Variants in LIMS2 observed in about 807,000 individuals in gnomAD.
LIMS2 encodes the protein LIM zinc finger domain containing 2, also known as LIM and senescent cell antigen-like-containing domain protein 2.
LIMS2 carries 30 observed loss-of-function variants against 45.3 expected under a neutral mutation model. The observed-to-expected ratio is 0.66, with a 90% CI of 0.50 to 0.90. The LOEUF is 0.90. LIMS2 is among the 40% of genes least tolerant of loss of function. The probability of loss-of-function intolerance (pLI) is 0.00; values close to 1 mark genes in which losing one functional copy is unlikely to be tolerated. For synonymous variants in LIMS2, 173 were observed against 188.0 expected (o/e 0.92, Z 0.65); for missense variants, 485 against 468.7 (o/e 1.03, Z -0.32).
Position 127,668,695 on chromosome 2 carries a change from AAAAAAAAAAAAAAAAACAC to A in LIMS2, c.11+6300_11+6318del, listed in dbSNP as rs1239361275. On this transcript the variant is annotated intron_variant, in intron 1 of 9. Transcript: ENST00000355119. ...AAAAAAAAAAAAAAAAAAAAAAAAA[AAAAAAAAAAAAAAAAACAC>A]CTTACTTAAAAATTACAATTTACTT... is the stretch of plus-strand genomic sequence containing the variant. Among the ~76,000 whole-genome samples the A allele has an allele frequency of 4.5e-4, 53 of 117,344 alleles. 1 individual carries two copies. The highest frequency in any genetic ancestry group is 9.1e-4 in the African/African-American group (27 of 29,528). 77.0% of individuals were successfully genotyped at this position (117,344 alleles called of 152,430 possible).
upstream of LIMS2, among the ~76,000 whole-genome samples, chr2:127,679,355 G>A (rs1685566583): frequency 6.6e-6 from 1 of 152,152 alleles, no homozygotes; most frequent in South Asian, 2.1e-4. This position sits in a 1 kb window ranked among gnomAD's most constrained non-coding sequence, Gnocchi z 5.3. Flanking sequence ...GGGAAGGTGA[G>A]AATGCAGTGT....
chr2:127,678,152 T>C (rs867669055), upstream of LIMS2, among the ~76,000 whole-genome samples: 1 of 152,172 alleles, frequency 6.6e-6, no homozygotes, highest in Admixed American at 6.5e-5. The surrounding 1 kb of genome is among the most constrained non-coding windows in gnomAD (Gnocchi z 5.3). Flanking sequence ...ATACATTGTT[T>C]AAATCAAGAT....
Position 127,651,238 on chromosome 2 carries a change from T to C in LIMS2, c.359+3186A>G, listed in dbSNP as rs754706777. 14 of 1,607,268 alleles carry C rather than the reference T, an allele frequency of 8.7e-6. No individual in the cohort carries two copies. The highest frequency in any genetic ancestry group is 8.5e-6 in the Non-Finnish European group (10 of 1,179,338). On this transcript the variant is annotated intron_variant, in intron 4 of 9. Coordinates refer to ENST00000355119, the MANE Select transcript of LIMS2 (RefSeq NM_001161403.3). Reference sequence around the variant, plus strand: ...GCTGTGGCCATGGCCCCGCTGCTGGTGAGCCCACAGACCGTGCAGACCAAC... The same window carrying C: ...GCTGTGGCCATGGCCCCGCTGCTGGCGAGCCCACAGACCGTGCAGACCAAC...
At chr2:127,651,784 G>T (rs756905832) in intron 4 of LIMS2, 1 of 1,586,456 alleles carries the variant, frequency 6.3e-7, no homozygotes, top group Admixed American at 1.7e-5. Flanking sequence ...GCCGAGCGCA[G>T]ACTGTTTAGG....
intron 2 of LIMS2, among the ~76,000 whole-genome samples, chr2:127,656,817 C>G (rs1463581324): frequency 2.0e-5 from 3 of 152,278 alleles, no homozygotes; most frequent in African/African-American, 7.2e-5. Context: ...TCCGTAGAGG[C>G]CCGTGGGGCC....
chr2:127,674,831 G>C (rs1685431764), intron 1 of LIMS2, 183 bp downstream of exon 1: 1 of 985,364 alleles, frequency 1.0e-6, no homozygotes, highest in African/African-American at 1.7e-5. Flanking sequence ...AGAGGAAGAG[G>C]CGCGGGGGCT....
intron 4 of LIMS2, chr2:127,643,275 C>T (rs1682620481): frequency 1.6e-6 from 1 of 610,082 alleles, no homozygotes; most frequent in Non-Finnish European, 2.9e-6. Context: ...GACGCATGCT[C>T]AGCAGGAAAG....
chr2:127,661,897 T>A (rs1245075035), intron 1 of LIMS2, among the ~76,000 whole-genome samples: 2 of 152,098 alleles, frequency 1.3e-5, no homozygotes, highest in Non-Finnish European at 2.9e-5. Flanking sequence ...GTTCCTCCCA[T>A]CTCCTCTTGG....
Position 127,675,032 on chromosome 2 carries a change from G to A in LIMS2, c.-8C>T. ...CCGTTACCTTCCCGTCATGGTGGCA[G>A]CGACGCCGAGCCCTGGGTTGCCGGG... On this transcript the variant is annotated 5_prime_UTR_variant, in exon 1 of 10. Transcript: ENST00000355119. The A allele has an allele frequency of 8.1e-7, 1 of 1,229,636 alleles. No individual in the cohort carries two copies. Among genetic ancestry groups the A allele is most frequent in the South Asian group, 4.1e-5 (1 of 24,334 alleles). 76.2% of individuals were successfully genotyped at this position (1,229,636 alleles called of 1,614,324 possible). A position where few individuals can be genotyped will look rare whatever the true frequency, so the allele number is the denominator to read the frequency against.
chr2:127,641,869 G>A (rs1320425400), intron 6 of LIMS2, 180 bp downstream of exon 6: 20 of 646,176 alleles, frequency 3.1e-5, no homozygotes, highest in Admixed American at 1.4e-4. Context: ...CCTGGCTCCC[G>A]TGGGCAGGCT....
intron 1 of LIMS2, among the ~76,000 whole-genome samples, chr2:127,670,814 T>G (rs540489581): frequency 6.6e-6 from 1 of 152,306 alleles, no homozygotes; most frequent in Non-Finnish European, 1.5e-5. Context: ...ACAAACAGGC[T>G]GTCCTCCAGA....
At chr2:127,681,056 G>A (rs1340064384) in intron 1 of LIMS2, among the ~76,000 whole-genome samples, 1 of 152,194 alleles carries the variant, frequency 6.6e-6, no homozygotes, top group Non-Finnish European at 1.5e-5. Flanking sequence ...ACTCTGTCCA[G>A]GGGAAAGAGC....
chr2:127,678,336 T>A (rs138733460), upstream of LIMS2, among the ~76,000 whole-genome samples: 274 of 151,704 alleles, frequency 1.8e-3, 1 homozygote, highest in African/African-American at 6.4e-3. The surrounding 1 kb of genome is among the most constrained non-coding windows in gnomAD (Gnocchi z 5.3). Context: ...GACAGAGAGG[T>A]GGTAACGTGA....
Position 127,640,197 on chromosome 2 carries a change from G to A in LIMS2, c.803-52C>T, listed in dbSNP as rs759420354. Reference sequence around the variant, plus strand: ...GGCCTGGCTAGGCTGCCGCAGGCCCGGCTGGGCTCACAGCTGCAGCACCCA... The same window carrying A: ...GGCCTGGCTAGGCTGCCGCAGGCCCAGCTGGGCTCACAGCTGCAGCACCCA... On this transcript the variant is annotated intron_variant, in intron 8 of 9. Transcript: ENST00000355119. 96 of 1,612,020 alleles carry A rather than the reference G, an allele frequency of 6.0e-5. 1 individual carries two copies. Among genetic ancestry groups the A allele is most frequent in the South Asian group, 3.3e-4 (30 of 91,054 alleles).
Position 127,643,060 on chromosome 2 carries a change from C to G in LIMS2, c.372G>C (p.Arg124=). Residue 124 remains arginine (R), a synonymous_variant, in exon 5 of 10, where the codon CGG becomes CGC. Transcript: ENST00000355119. ...FVKNAGRHLC[R]PCHNREKAKG... Reference sequence around the variant, plus strand: ...TGGCCTTCTCACGGTTGTGGCAAGGCCGGCAGAGATGCCTGCGGGAGGCGG... The same window carrying G: ...TGGCCTTCTCACGGTTGTGGCAAGGGCGGCAGAGATGCCTGCGGGAGGCGG... 1.9e-6 allele frequency: 3 copies of G among 1,580,994 alleles called. No homozygotes were observed. Among genetic ancestry groups the G allele is most frequent in the Non-Finnish European group, 2.6e-6 (3 of 1,164,480 alleles).
chr2:127,657,308 T>A, intron 2 of LIMS2, 95 bp downstream of exon 2: 1 of 1,463,710 alleles, frequency 6.8e-7, no homozygotes, highest in Non-Finnish European at 9.5e-7. Flanking sequence ...CCTGGCCCTG[T>A]CACCAGTCGG....
chr2:127,639,958 C>T, intron 9 of LIMS2, 112 bp downstream of exon 9: 2 of 1,177,898 alleles, frequency 1.7e-6, no homozygotes, highest in Non-Finnish European at 2.5e-6. Flanking sequence ...GCCCCTTGTC[C>T]CCACCATATC....
In LIMS2 at chr2:127,672,083, C is replaced by T. The variant is rs1048970652; in HGVS notation, c.11+2931G>A. ...GCATACGACAGCCTCACATGTGACA[C>T]ACATGACGGTCACACCATGGGTGGG... On this transcript the variant is annotated intron_variant, in intron 1 of 9. Coordinates refer to ENST00000355119, the MANE Select transcript of LIMS2 (RefSeq NM_001161403.3). The surrounding 1 kb of genome is among the most constrained non-coding windows in gnomAD (Gnocchi z 4.9). Among the ~76,000 whole-genome samples, 27 of 152,336 alleles carry T rather than the reference C, an allele frequency of 1.8e-4. No individual in the cohort carries two copies. The highest frequency in any genetic ancestry group is 6.3e-4 in the African/African-American group (26 of 41,574).
intron 4 of LIMS2, chr2:127,650,351 C>T (rs1025904536): frequency 5.5e-6 from 3 of 547,800 alleles, no homozygotes; most frequent in Non-Finnish European, 9.7e-6. Context: ...CAGCACACCT[C>T]AGAGGCAGAA....
Sources: gnomAD v4.1 joint callset for allele counts (sites outside exome capture counted in the v4.1 genomes callset) on GRCh38, gnomAD v4.1.1 for gene constraint, Gnocchi (gnomAD v3.1) non-coding constraint, MANE v1.5 for transcripts, NCBI Gene and HGNC (gene_info 2026-07-23, HGNC 2026-07-21) for gene names.